The following CAST variants were observed in gnomAD, a reference collection of about 807,000 sequenced individuals.
CAST encodes the protein MIR583 host.
Under a neutral mutation model 119.6 loss-of-function variants are expected in CAST, and 76 were observed. The observed-to-expected ratio is 0.64, with a 90% CI of 0.53 to 0.77. The LOEUF (loss-of-function observed/expected upper bound fraction) is 0.77. Ranked by LOEUF, CAST falls within the 30% of genes least tolerant of loss-of-function variation. The pLI is 0.00. For synonymous variants in CAST, 319 were observed against 331.6 expected, an observed-to-expected ratio of 0.96 and a Z score of 0.41; for missense variants, 953 against 946.5, an observed-to-expected ratio of 1.01 and a Z score of -0.09.
chr5:96,095,556 CAAAAAAAAAAAAAAAAAA>C, the CAST span, among the ~76,000 whole-genome samples: 134 of 57,544 alleles, frequency 2.3e-3, 2 homozygotes, highest in East Asian at 0.013. Context: ...GACTCTGTTT[CAAAAAAAAAAAAAAAAAA>C]AAAAAAAAAA....
chr5:96,388,034 G>A, the CAST span, among the ~76,000 whole-genome samples: 1 of 152,138 alleles, frequency 6.6e-6, no homozygotes, highest in Non-Finnish European at 1.5e-5. Context: ...TCTCAATATG[G>A]GGGTGTATAG....
chr5:96,576,497 A>G lies in CAST; in HGVS notation c.60+46617A>G, dbSNP rs572589080. Among the ~76,000 whole-genome samples, 9 of 151,898 alleles carry G rather than the reference A, an allele frequency of 5.9e-5. No individual in the cohort carries two copies. In the East Asian group the frequency reaches 1.8e-3, roughly 30 times the overall value. On this transcript the variant is annotated intron_variant, in intron 1 of 11. Transcript: ENST00000505143. ...GTAACTGGGGTCACAAGCACACATC[A>G]CCATGCCCGGCTAATTTTTATACTT... is the stretch of plus-strand genomic sequence containing the variant.
chr5:96,308,040 A>G, the CAST span, among the ~76,000 whole-genome samples: 5 of 152,324 alleles, frequency 3.3e-5, no homozygotes, highest in African/African-American at 1.2e-4. Context: ...AATATCCTGC[A>G]GAGTGTTTTC....
chr5:96,392,902 G>A, the CAST span: 1 of 1,175,860 alleles, frequency 8.5e-7, no homozygotes, highest in African/African-American at 1.5e-5. Flanking sequence ...GATATTATAA[G>A]CATAAGAATT....
intron 2 of CAST, among the ~76,000 whole-genome samples, chr5:96,685,758 C>T (rs958375434): frequency 2.5e-4 from 38 of 152,282 alleles, no homozygotes; most frequent in African/African-American, 8.9e-4. Context: ...AATTCAGACT[C>T]CTAGGCTCCA....
rs115601306 is a variant in CAST at position 96,563,275 on chromosome 5, G to T, written c.60+33395G>T. 7.2e-3 allele frequency among the ~76,000 whole-genome samples: 1,097 copies of T among 152,196 alleles called. 25 individuals carry two copies. Among genetic ancestry groups the T allele is most frequent in the African/African-American group, 0.026 (1,068 of 41,524 alleles). Reference sequence around the variant, plus strand: ...TGTGAAGGCTCCAATGTCACATGAAGCTTATATTAAATACATGTGTATTAT... The same window carrying T: ...TGTGAAGGCTCCAATGTCACATGAATCTTATATTAAATACATGTGTATTAT... On this transcript the variant is annotated intron_variant, in intron 1 of 11. Transcript: ENST00000505143.
the CAST span, among the ~76,000 whole-genome samples, chr5:96,255,644 C>T: frequency 6.6e-6 from 1 of 152,100 alleles, no homozygotes; most frequent in East Asian, 1.9e-4. Context: ...TTTAGGATTC[C>T]TGAATGAAGT....
At chr5:96,481,728 T>C in the CAST span, among the ~76,000 whole-genome samples, 8,003 of 152,256 alleles carry the variant, frequency 0.053, 248 homozygotes, top group Middle Eastern at 0.099. Flanking sequence ...GGAAAATGCT[T>C]TTGAAAACTT....
intron 2 of CAST, among the ~76,000 whole-genome samples, chr5:96,680,354 C>CAAAAAAAAAAA (rs71617135): frequency 1.4e-3 from 40 of 29,256 alleles, no homozygotes; most frequent in African/African-American, 3.3e-3. Flanking sequence ...GACTCTGTCT[C>CAAAAAAAAAAA]AAAAAAAAAA....
chr5:96,137,104 G>C, the CAST span, among the ~76,000 whole-genome samples: 1 of 152,072 alleles, frequency 6.6e-6, no homozygotes, highest in Non-Finnish European at 1.5e-5. Context: ...TAAAGGTTTG[G>C]ACCAACTCTC....
the CAST span, among the ~76,000 whole-genome samples, chr5:95,995,738 A>T: frequency 6.6e-6 from 1 of 152,070 alleles, no homozygotes; most frequent in Non-Finnish European, 1.5e-5. Context: ...CTTTGGAAAT[A>T]GTTATATTAA....
At chr5:96,284,594 G>A in the CAST span, among the ~76,000 whole-genome samples, 1 of 152,162 alleles carries the variant, frequency 6.6e-6, no homozygotes, top group African/African-American at 2.4e-5. Flanking sequence ...TCGATCTGCA[G>A]CCTCCTTATT....
At chr5:96,289,421 A>G in the CAST span, among the ~76,000 whole-genome samples, 1 of 152,076 alleles carries the variant, frequency 6.6e-6, no homozygotes, top group Non-Finnish European at 1.5e-5. Flanking sequence ...GGCAAGAGAT[A>G]ATTGAATCAT....
the CAST span, among the ~76,000 whole-genome samples, chr5:96,340,703 C>T: frequency 3.3e-5 from 5 of 152,176 alleles, no homozygotes; most frequent in Non-Finnish European, 5.9e-5. Flanking sequence ...AAGCATCACC[C>T]TTCAAAGGAG....
At chr5:96,411,104 C>A in the CAST span, 3 of 809,624 alleles carry the variant, frequency 3.7e-6, no homozygotes, top group East Asian at 5.0e-5. Flanking sequence ...TATTTGGGAT[C>A]TATTTTCAAT....
chr5:96,204,875 A>G, the CAST span, among the ~76,000 whole-genome samples: 2 of 152,090 alleles, frequency 1.3e-5, no homozygotes, highest in African/African-American at 4.8e-5. Flanking sequence ...ATCAGAATTT[A>G]TTAGTCCAGC....
the CAST span, among the ~76,000 whole-genome samples, chr5:96,080,944 A>G: frequency 1.3e-5 from 2 of 152,164 alleles, no homozygotes; most frequent in Admixed American, 6.5e-5. Context: ...TAACTTTTAT[A>G]TGTTATCAGC....
chr5:96,249,515 G>A, the CAST span, among the ~76,000 whole-genome samples: 58 of 152,278 alleles, frequency 3.8e-4, no homozygotes, highest in Admixed American at 1.3e-3. Flanking sequence ...TAGTAAAGAG[G>A]CAACAAGTAT....
At chr5:96,244,148 A>G in the CAST span, among the ~76,000 whole-genome samples, 1 of 152,278 alleles carries the variant, frequency 6.6e-6, no homozygotes, top group African/African-American at 2.4e-5. Context: ...TGTTCTTCCC[A>G]AAGTCTGATC....
Sources: gnomAD v4.1 joint callset for allele counts (sites outside exome capture counted in the v4.1 genomes callset) on GRCh38, gnomAD v4.1.1 for gene constraint, MANE v1.5 for transcripts, NCBI Gene and HGNC (gene_info 2026-07-23, HGNC 2026-07-21) for gene names.